The following IMMP2L variants were observed in gnomAD, a reference collection of about 807,000 sequenced individuals.
IMMP2L encodes the protein mitochondrial inner membrane protease subunit 2.
In IMMP2L, 18 loss-of-function variants were observed where a neutral mutation model predicts 19.3. The ratio of observed to expected loss-of-function variants is 0.93; its 90% confidence interval spans 0.64 to 1.38. IMMP2L has a LOEUF of 1.38. IMMP2L is among the 40% of genes most tolerant of loss of function. IMMP2L has a pLI of 0.00. For synonymous variants in IMMP2L, 76 were observed against 73.0 expected, an observed-to-expected ratio of 1.04 and a Z score of -0.21; for missense variants, 233 against 218.2, an observed-to-expected ratio of 1.07 and a Z score of -0.43.
intron 2 of IMMP2L, among the ~76,000 whole-genome samples, chr7:111,496,411 C>A (rs905364883): frequency 6.6e-6 from 1 of 152,036 alleles, no homozygotes; most frequent in Non-Finnish European, 1.5e-5. Flanking sequence ...TTAAGGCTAC[C>A]CAGAATGCTA....
intron 3 of IMMP2L, chr7:111,124,104 T>C: frequency 1.9e-6 from 3 of 1,614,062 alleles, no homozygotes; most frequent in Non-Finnish European, 2.5e-6. Context: ...CCTTTCACTG[T>C]AGAGCTACTG....
intron 3 of IMMP2L, chr7:111,392,103 G>C (rs1832414872): frequency 1.6e-6 from 1 of 637,644 alleles, no homozygotes; most frequent in Non-Finnish European, 2.8e-6. Context: ...TTTTCTCTTT[G>C]GCTATTAGCG....
intron 3 of IMMP2L, among the ~76,000 whole-genome samples, chr7:111,168,420 TGGATGTGA>T (rs1299812657): frequency 6.6e-6 from 1 of 151,894 alleles, no homozygotes; most frequent in Non-Finnish European, 1.5e-5. Flanking sequence ...ACAGGAGGTT[TGGATGTGA>T]GCCAGTCTTA....
intron 5 of IMMP2L, among the ~76,000 whole-genome samples, chr7:110,734,846 T>TCTC (rs1351691528): frequency 2.0e-5 from 3 of 152,146 alleles, no homozygotes; most frequent in Non-Finnish European, 4.4e-5. Context: ...AGAAAGGCTA[T>TCTC]AGAGAAGACT....
chr7:111,329,201 G>A (rs916266552), intron 3 of IMMP2L, among the ~76,000 whole-genome samples: 1 of 151,760 alleles, frequency 6.6e-6, no homozygotes, highest in Admixed American at 6.6e-5. Flanking sequence ...ATTCTAGGCA[G>A]CTGAAGCTGT....
chr7:111,127,941 A>T (rs1801479134), intron 3 of IMMP2L, among the ~76,000 whole-genome samples: 1 of 152,188 alleles, frequency 6.6e-6, no homozygotes, highest in African/African-American at 2.4e-5. Context: ...CAAAATATGT[A>T]TTTTATAATG....
At chr7:110,948,975 C>T (rs1293940790) in intron 4 of IMMP2L, among the ~76,000 whole-genome samples, 1 of 152,170 alleles carries the variant, frequency 6.6e-6, no homozygotes, top group Non-Finnish European at 1.5e-5. Context: ...GGCATTTGCA[C>T]CCCACAACTT....
chr7:111,018,655 G>C (rs1275742579), intron 3 of IMMP2L, among the ~76,000 whole-genome samples: 1 of 151,872 alleles, frequency 6.6e-6, no homozygotes. Flanking sequence ...CCCATTTCTC[G>C]TATAAAGAAA....
Position 111,123,854 on chromosome 7 carries a change from A to C in IMMP2L, c.240-160289T>G. 2 of 1,614,000 alleles carry C rather than the reference A, an allele frequency of 1.2e-6. No homozygotes were observed. The highest frequency in any genetic ancestry group is 1.7e-6 in the Non-Finnish European group (2 of 1,179,994). On this transcript the variant is annotated intron_variant, in intron 3 of 5. Coordinates refer to ENST00000405709, the MANE Select transcript of IMMP2L (RefSeq NM_032549.4). The surrounding 1 kb of genome is among the most constrained non-coding windows in gnomAD (Gnocchi z 6.4). ...ACCATTGAGTCTCTGCCAAACCTCAAGGAAATCAGCATACACAGTAACCCC... is the reference window on the plus strand; with the variant it reads ...ACCATTGAGTCTCTGCCAAACCTCACGGAAATCAGCATACACAGTAACCCC...
intron 3 of IMMP2L, among the ~76,000 whole-genome samples, chr7:111,390,217 G>A (rs1453001600): frequency 6.6e-6 from 1 of 152,122 alleles, no homozygotes; most frequent in African/African-American, 2.4e-5. Flanking sequence ...AGACAGGGCA[G>A]GGGTAACTTG....
At chr7:111,342,522 T>C (rs559868098) in intron 3 of IMMP2L, among the ~76,000 whole-genome samples, 2 of 151,812 alleles carry the variant, frequency 1.3e-5, no homozygotes, top group South Asian at 2.1e-4. Context: ...AACCAGGGAG[T>C]TGGAGGTTGC....
At chr7:111,535,930 A>G (rs2132866770) in intron 1 of IMMP2L, among the ~76,000 whole-genome samples, 1 of 152,228 alleles carries the variant, frequency 6.6e-6, no homozygotes, top group South Asian at 2.1e-4. Context: ...CAATCTTCAG[A>G]GTAAAGGTTG....
At chr7:110,950,207 G>A (rs187930894) in intron 4 of IMMP2L, among the ~76,000 whole-genome samples, 2 of 152,116 alleles carry the variant, frequency 1.3e-5, no homozygotes, top group Non-Finnish European at 2.9e-5. Context: ...AACATCATTT[G>A]TTAAAGAGAC....
chr7:111,481,425 A>T (rs904601261), intron 3 of IMMP2L, among the ~76,000 whole-genome samples: 2 of 152,074 alleles, frequency 1.3e-5, no homozygotes, highest in East Asian at 3.9e-4. Context: ...CTATGTCCTT[A>T]AGCAGGTTAT....
At chr7:111,561,564 T>G (rs1348933356) in intron 1 of IMMP2L, among the ~76,000 whole-genome samples, 1 of 152,094 alleles carries the variant, frequency 6.6e-6, no homozygotes, top group African/African-American at 2.4e-5. Flanking sequence ...AGGACCAATG[T>G]TCCAAGGTAA....
intron 4 of IMMP2L, among the ~76,000 whole-genome samples, chr7:110,935,403 G>A (rs897302791): frequency 2.7e-5 from 4 of 148,328 alleles, no homozygotes; most frequent in African/African-American, 7.6e-5. Flanking sequence ...TGAGTAACCC[G>A]ACCTTTCTCT....
chr7:110,700,677 C>G (rs1240754601), intron 5 of IMMP2L, among the ~76,000 whole-genome samples: 1 of 152,194 alleles, frequency 6.6e-6, no homozygotes, highest in Non-Finnish European at 1.5e-5. Context: ...TACCTGAACT[C>G]TAACTTGAGG....
intron 5 of IMMP2L, among the ~76,000 whole-genome samples, chr7:110,746,071 T>A (rs1475662675): frequency 2.0e-5 from 3 of 149,248 alleles, no homozygotes; most frequent in Non-Finnish European, 4.5e-5. Flanking sequence ...ACCAAGCAAA[T>A]GGAAAGAAAG....
chr7:111,123,259 C>T lies in IMMP2L; in HGVS notation c.240-159694G>A, dbSNP rs772830687. The T allele has an allele frequency of 3.7e-6, 6 of 1,613,754 alleles. No homozygotes were observed. The highest frequency in any genetic ancestry group is 4.5e-5 in the East Asian group (2 of 44,850). ...AATTTCACCTGGAGCCTTTATTGGC[C>T]TACATAATCTTCTTCGACTTCATCT... On this transcript the variant is annotated intron_variant, in intron 3 of 5. Coordinates refer to ENST00000405709, the MANE Select transcript of IMMP2L (RefSeq NM_032549.4). This position sits in a 1 kb window ranked among gnomAD's most constrained non-coding sequence, Gnocchi z 6.4.
Sources: allele counts gnomAD v4.1 joint callset (sites outside exome capture counted in the v4.1 genomes callset), GRCh38; gene constraint gnomAD v4.1.1; non-coding constraint Gnocchi (gnomAD v3.1); transcripts MANE v1.5; gene names NCBI Gene and HGNC (gene_info 2026-07-23, HGNC 2026-07-21).